The following UNC13B variants were observed in gnomAD, a reference collection of about 807,000 sequenced individuals.
The protein encoded by UNC13B is protein unc-13 homolog B.
Under a neutral mutation model 211.0 loss-of-function variants are expected in UNC13B, and 144 were observed. That is an observed-to-expected ratio of 0.68 (90% CI 0.60 to 0.78). The LOEUF (loss-of-function observed/expected upper bound fraction) is 0.78, where lower values mean the gene tolerates loss of function less well. Ranked by LOEUF, UNC13B falls within the 30% of genes least tolerant of loss-of-function variation. The pLI, the probability that UNC13B is intolerant of heterozygous loss-of-function variation, is 0.00. For missense variants in UNC13B, 1,777 were observed against 2,002.0 expected, an observed-to-expected ratio of 0.89 and a Z score of 2.14; for synonymous variants, 709 against 725.8, an observed-to-expected ratio of 0.98 and a Z score of 0.37.
chr9:35,386,323 C>T, intron 24 of UNC13B, 30 bp downstream of exon 24: 6 of 1,612,558 alleles, frequency 3.7e-6, no homozygotes, highest in Non-Finnish European at 5.1e-6. Context: ...GTGGGGCCAG[C>T]TGTCAGTGGC....
At chr9:35,194,098 C>G (rs1277716388) in intron 1 of UNC13B, among the ~76,000 whole-genome samples, 1 of 152,034 alleles carries the variant, frequency 6.6e-6, no homozygotes, top group African/African-American at 2.4e-5. Context: ...AGGGAGAGAC[C>G]TGCAAATGCT....
intron 25 of UNC13B, 23 bp downstream of exon 25, chr9:35,389,996 C>T: frequency 6.2e-7 from 1 of 1,612,322 alleles, no homozygotes; most frequent in South Asian, 1.1e-5. Context: ...CTCTTTGGCC[C>T]TGTCTGTTGG....
At chr9:35,299,686 A>T (rs1829577112) in intron 8 of UNC13B, among the ~76,000 whole-genome samples, 1 of 152,238 alleles carries the variant, frequency 6.6e-6, no homozygotes. Flanking sequence ...ATTTAAGAAC[A>T]TGTGGATTTC....
At position 35,284,432 on chromosome 9, in the gene UNC13B, TTATTAA is replaced by T. The variant is rs572380824; in HGVS notation, c.527-11260_527-11255del. Among the ~76,000 whole-genome samples, 19 of 152,368 alleles carry T rather than the reference TTATTAA, an allele frequency of 1.2e-4. No individual in the cohort carries two copies. In the East Asian group the frequency reaches 3.7e-3, roughly 29 times the overall value. On this transcript the variant is annotated intron_variant, in intron 7 of 39. Transcript: ENST00000635942. ...CAATTCATGGATATTTTTCTTTGACTTATTAATATAATGAATGCATTAATCAGTTTC... is the reference window on the plus strand; with the variant it reads ...CAATTCATGGATATTTTTCTTTGACTTATAATGAATGCATTAATCAGTTTC...
chr9:35,336,544 T>G (rs1388438192), intron 11 of UNC13B, among the ~76,000 whole-genome samples: 2 of 152,212 alleles, frequency 1.3e-5, no homozygotes, highest in African/African-American at 4.8e-5. Context: ...TCACCCAGGT[T>G]GAAGTGCAGT....
At chr9:35,265,097 G>A (rs1195600059) in intron 7 of UNC13B, among the ~76,000 whole-genome samples, 1 of 152,200 alleles carries the variant, frequency 6.6e-6, no homozygotes, top group African/African-American at 2.4e-5. Flanking sequence ...CTGTTGGGAT[G>A]GAATGAATGT....
At position 35,399,437 on chromosome 9, in the gene UNC13B, T is replaced by A. The variant is rs757803531; in HGVS notation, c.12244T>A (p.Ser4082Thr). The A allele has an allele frequency of 1.9e-6, 3 of 1,614,096 alleles. No homozygotes were observed. The Admixed American group carries it at 5.0e-5, about 27-fold the overall frequency. The change falls in exon 35 of 40, where the codon TCC becomes ACC. Residue 4082 changes from serine (S) to threonine (T), a missense_variant. By Grantham distance (58) the Ser-to-Thr change is moderately conservative. Transcript: ENST00000635942. ...TGCTGCCAAGGAGCTGAGCCATCTT[T>A]CCAAACTCAAGGTACTCTGGGTGTG... ...FTAAKELSHL[S>T]KLKDHMVREE...
In UNC13B at chr9:35,305,477, C is replaced by T. The variant is rs1228500703; in HGVS notation, c.6073C>T (p.Gln2025Ter). ...SSPTPMELAS[Q>*]GAGNFPAAPI... ...TCCTACTCCTATGGAGCTAGCTAGC[C>T]AGGGTGCTGGGAACTTTCCTGCTGC... is the stretch of plus-strand genomic sequence containing the variant. The change falls in exon 9 of 40, where the codon CAG becomes TAG. Residue 2025 changes from glutamine to a stop codon, truncating the protein, a stop_gained. Transcript: ENST00000635942. LOFTEE classifies it high-confidence loss of function. 5 of 398,840 alleles carry T rather than the reference C, an allele frequency of 1.3e-5. No homozygotes were observed. Among genetic ancestry groups the T allele is most frequent in the Non-Finnish European group, 1.8e-5 (4 of 226,038 alleles). 24.7% of individuals were successfully genotyped at this position (398,840 alleles called of 1,614,324 possible).
chr9:35,212,862 G>A (rs1244050155), intron 1 of UNC13B, among the ~76,000 whole-genome samples: 1 of 152,148 alleles, frequency 6.6e-6, no homozygotes, highest in Non-Finnish European at 1.5e-5. Context: ...TACTCCTAGT[G>A]GAATAGCCTC....
At chr9:35,379,619 A>T (rs1362360614) in intron 17 of UNC13B, among the ~76,000 whole-genome samples, 1 of 152,156 alleles carries the variant, frequency 6.6e-6, no homozygotes, top group African/African-American at 2.4e-5. Context: ...ATTTTTGCCC[A>T]CTTTTAGTAA....
intron 17 of UNC13B, 25 bp from the exon 18 acceptor site, chr9:35,380,445 C>G (rs1347839858): frequency 1.9e-6 from 3 of 1,611,066 alleles, no homozygotes; most frequent in Middle Eastern, 1.7e-4. Flanking sequence ...CTGCCCCTAA[C>G]AGAGCCTGCC....
At position 35,397,301 on chromosome 9, in the gene UNC13B, G is replaced by A. The variant is rs565966274; in HGVS notation, c.11667G>A (p.Arg3889=). Residue 3889 remains arginine (R), a synonymous_variant, in exon 29 of 40, where the codon AGG becomes AGA. Coordinates refer to ENST00000635942, the MANE Select transcript of UNC13B (RefSeq NM_001371189.2). The part of the protein sequence containing the change: ...DPSILAHYMR[R]FAKTIGKVLM... Reference sequence around the variant, plus strand: ...GCATCCTTGCCCACTACATGAGGAGGTTTGCTAAGGTGACCATAACTCTTC... The same window carrying A: ...GCATCCTTGCCCACTACATGAGGAGATTTGCTAAGGTGACCATAACTCTTC... The A allele has an allele frequency of 5.7e-5, 92 of 1,613,970 alleles. 1 individual carries two copies. In the South Asian group the frequency reaches 1.0e-3, roughly 18 times the overall value.
chr9:35,371,129 T>C lies in UNC13B; in HGVS notation c.9540+733T>C, dbSNP rs554485525. ...GTTAAATGTGAACCCTTTTCCCTTA[T>C]TACCATTTTCTGTTTCTGTTTTCTT... is the stretch of plus-strand genomic sequence containing the variant. On this transcript the variant is annotated intron_variant, in intron 13 of 39. Transcript: ENST00000635942. Among the ~76,000 whole-genome samples, 5 of 152,306 alleles carry C rather than the reference T, an allele frequency of 3.3e-5. No individual in the cohort carries two copies. In the East Asian group the frequency reaches 9.7e-4, roughly 29 times the overall value.
chr9:35,339,061 C>G (rs1437021128), intron 11 of UNC13B, among the ~76,000 whole-genome samples: 1 of 152,192 alleles, frequency 6.6e-6, no homozygotes, highest in Non-Finnish European at 1.5e-5. Context: ...TCCCACAACT[C>G]TGCGTGAGTG....
At chr9:35,361,835 A>T (rs1446200666) in intron 11 of UNC13B, 2 of 152,216 alleles carry the variant, frequency 1.3e-5, no homozygotes, top group African/African-American at 4.8e-5. Flanking sequence ...ACTAAGTCTT[A>T]GGGAATATGC....
At chr9:35,271,854 C>T (rs1827899559) in intron 7 of UNC13B, among the ~76,000 whole-genome samples, 1 of 152,182 alleles carries the variant, frequency 6.6e-6, no homozygotes, top group African/African-American at 2.4e-5. Flanking sequence ...TACATCAAAA[C>T]CATCCTGGCC....
intron 7 of UNC13B, among the ~76,000 whole-genome samples, chr9:35,272,447 A>G (rs1273547649): frequency 6.6e-6 from 1 of 151,716 alleles, no homozygotes; most frequent in African/African-American, 2.4e-5. Flanking sequence ...TAGTAGAGAC[A>G]GGGTTTCACC....
intron 13 of UNC13B, among the ~76,000 whole-genome samples, chr9:35,374,308 C>T (rs1359560383): frequency 1.7e-5 from 2 of 115,012 alleles, no homozygotes; most frequent in African/African-American, 4.1e-5. Flanking sequence ...GCTAGCAAGG[C>T]AGCCCCAGCT....
At position 35,403,302 on chromosome 9, in the gene UNC13B, G is replaced by A. The variant is rs375110883; in HGVS notation, c.12577+43G>A. On this transcript the variant is annotated intron_variant, in intron 38 of 39. Coordinates refer to ENST00000635942, the MANE Select transcript of UNC13B (RefSeq NM_001371189.2). ...AGGTCTGCCCTTTCCTTGCCCAGTG[G>A]CCTCACTCATCACTCAAAAGCAGGG... 74 of 1,608,188 alleles carry A rather than the reference G, an allele frequency of 4.6e-5. No homozygotes were observed. In the African/African-American group the frequency reaches 8.7e-4, roughly 19 times the overall value.
Sources: allele counts gnomAD v4.1 joint callset (sites outside exome capture counted in the v4.1 genomes callset), GRCh38; gene constraint gnomAD v4.1.1; transcripts MANE v1.5; gene names NCBI Gene and HGNC (gene_info 2026-07-23, HGNC 2026-07-21).